The following GBF1 variants were observed in gnomAD, a reference collection of about 807,000 sequenced individuals.
GBF1 encodes Golgi-specific brefeldin A-resistance guanine nucleotide exchange factor 1.
GBF1 carries 114 observed loss-of-function variants against 210.5 expected under a neutral mutation model. The observed-to-expected ratio is 0.54, with a 90% CI of 0.47 to 0.63. GBF1 has a LOEUF of 0.63. Ranked by LOEUF, GBF1 falls within the 30% of genes least tolerant of loss-of-function variation. GBF1 has a pLI of 0.00. For missense variants in GBF1, 1,851 were observed against 2,357.7 expected (o/e 0.79, Z 4.45); for synonymous variants, 850 against 889.2 (o/e 0.96, Z 0.78).
rs768227727 is a variant in GBF1 at position 102,380,272 on chromosome 10, A to G, written c.4902A>G (p.Pro1634=). 2 of 1,613,506 alleles carry G rather than the reference A, an allele frequency of 1.2e-6. No individual in the cohort carries two copies. Among genetic ancestry groups the G allele is most frequent in the Non-Finnish European group, 1.7e-6 (2 of 1,179,600 alleles). The change falls in exon 37 of 40, where the codon CCA becomes CCG. Residue 1634 remains proline (P), a synonymous_variant. Transcript: ENST00000369983. ...LSKVFLQHLS[P]LLSLSTFAAL... is the part of the protein sequence containing the mutation. ...AGGTCTTCCTGCAGCACCTGTCTCC[A>G]CTGCTGTCACTCTCTACCTTTGCGG... is the stretch of plus-strand genomic sequence containing the variant.
At chr10:102,288,743 A>G (rs1263903191) in intron 3 of GBF1, among the ~76,000 whole-genome samples, 3 of 151,314 alleles carry the variant, frequency 2.0e-5, no homozygotes, top group African/African-American at 7.3e-5. Context: ...AAACAAAAAA[A>G]AAAAACGAAA....
intron 4 of GBF1, among the ~76,000 whole-genome samples, chr10:102,347,396 G>C (rs892147598): frequency 1.7e-4 from 26 of 152,150 alleles, no homozygotes; most frequent in African/African-American, 6.3e-4. Flanking sequence ...TTCCAGCCTT[G>C]CCCTGAGCAC....
rs765681866 is a variant in GBF1, at chr10:102,376,799, C to T, written c.4287C>T (p.Gly1429=). The change falls in exon 32 of 40, where the codon GGC becomes GGT. Residue 1429 remains glycine (G), a splice_region_variant and synonymous_variant. Coordinates refer to ENST00000369983, the MANE Select transcript of GBF1 (RefSeq NM_001377137.1). ...TCTTTGTGGAGGCCAGTCTGAATGGCGGTGGGTCAGCTGATGAGGGGGCAG... is the reference window on the plus strand; with the variant it reads ...TCTTTGTGGAGGCCAGTCTGAATGGTGGTGGGTCAGCTGATGAGGGGGCAG... ...LRIFVEASLN[G]GCKSQEKRGK... is the part of the protein sequence containing the mutation. 4 of 1,608,512 alleles carry T rather than the reference C, an allele frequency of 2.5e-6. No homozygotes were observed. The Admixed American group carries it at 5.0e-5, about 20-fold the overall frequency.
chr10:102,254,197 G>C (rs1195006899), intron 1 of GBF1, among the ~76,000 whole-genome samples: 1 of 151,640 alleles, frequency 6.6e-6, no homozygotes, highest in Non-Finnish European at 1.5e-5. Context: ...TTTGCTTTTT[G>C]TTTCTTGTTT....
At chr10:102,376,525 A>T in intron 31 of GBF1, 35 bp from the exon 32 acceptor site, 1 of 1,612,828 alleles carries the variant, frequency 6.2e-7, no homozygotes, top group East Asian at 2.2e-5. Flanking sequence ...ACAGGGGCCA[A>T]GCCTGTGTCC....
chr10:102,278,490 C>T (rs2075197227), intron 3 of GBF1, among the ~76,000 whole-genome samples: 1 of 152,024 alleles, frequency 6.6e-6, no homozygotes, highest in African/African-American at 2.4e-5. Flanking sequence ...TGTCTGTGTT[C>T]TTTCTTTTTA....
chr10:102,337,614 G>A (rs1276478474), intron 3 of GBF1, among the ~76,000 whole-genome samples: 1 of 152,130 alleles, frequency 6.6e-6, no homozygotes, highest in Non-Finnish European at 1.5e-5. Context: ...CACTTTGGGA[G>A]GCTGAGACAG....
intron 3 of GBF1, among the ~76,000 whole-genome samples, chr10:102,316,231 C>T (rs774353140): frequency 7.2e-5 from 11 of 151,894 alleles, no homozygotes; most frequent in Non-Finnish European, 1.6e-4. Context: ...GGATTACAAG[C>T]GTGTGCCACC....
intron 3 of GBF1, among the ~76,000 whole-genome samples, chr10:102,342,402 C>T (rs532384017): frequency 6.6e-6 from 1 of 151,792 alleles, no homozygotes; most frequent in South Asian, 2.1e-4. Flanking sequence ...CACACACACA[C>T]ACACACTCAC....
At chr10:102,333,909 A>G (rs2057526948) in intron 3 of GBF1, among the ~76,000 whole-genome samples, 1 of 152,216 alleles carries the variant, frequency 6.6e-6, no homozygotes, top group Non-Finnish European at 1.5e-5. Flanking sequence ...TTCTCCTAAA[A>G]TGGAATGTAC....
chr10:102,361,941 A>G, intron 14 of GBF1, 29 bp downstream of exon 14: 1 of 1,417,396 alleles, frequency 7.1e-7, no homozygotes, highest in South Asian at 1.4e-5. Context: ...GGCTTCTAGG[A>G]AAAAACGCAT....
chr10:102,267,907 A>C (rs1354064163), intron 3 of GBF1, among the ~76,000 whole-genome samples: 1 of 152,234 alleles, frequency 6.6e-6, no homozygotes, highest in Non-Finnish European at 1.5e-5. Context: ...AATTTGAGTC[A>C]GACTGACTTT....
At chr10:102,333,990 G>C (rs1005923655) in intron 3 of GBF1, among the ~76,000 whole-genome samples, 4 of 152,054 alleles carry the variant, frequency 2.6e-5, no homozygotes, top group Non-Finnish European at 5.9e-5. Context: ...ATGTTAGAGG[G>C]GTAAATGAAC....
intron 33 of GBF1, among the ~76,000 whole-genome samples, chr10:102,378,921 G>A (rs977102512): frequency 6.6e-6 from 1 of 152,162 alleles, no homozygotes; most frequent in Non-Finnish European, 1.5e-5. Flanking sequence ...GTGACAGAGT[G>A]AGACCCTGCC....
Position 102,259,196 on chromosome 10 carries a change from A to G in GBF1, c.96+162A>G, listed in dbSNP as rs1296486334. 5.6e-4 allele frequency among the ~76,000 whole-genome samples: 85 copies of G among 152,190 alleles called. 1 individual carries two copies. The highest frequency in any genetic ancestry group is 5.9e-5 in the Non-Finnish European group (4 of 68,042). ...TTGTATCCCAACTAGCATCAGATATATAGGCTATCTTTTTTTCTCTGGGAC... is the reference window on the plus strand; with the variant it reads ...TTGTATCCCAACTAGCATCAGATATGTAGGCTATCTTTTTTTCTCTGGGAC... On this transcript the variant is annotated intron_variant, in intron 2 of 39. Coordinates refer to ENST00000369983, the MANE Select transcript of GBF1 (RefSeq NM_001377137.1).
At chr10:102,372,344 C>T (rs1042280405) in intron 29 of GBF1, among the ~76,000 whole-genome samples, 4 of 151,754 alleles carry the variant, frequency 2.6e-5, no homozygotes, top group Non-Finnish European at 5.9e-5. Context: ...GGAGAAACCT[C>T]GTCTCTACTA....
chr10:102,328,249 T>C (rs1249718393), intron 3 of GBF1, among the ~76,000 whole-genome samples: 1 of 152,200 alleles, frequency 6.6e-6, no homozygotes, highest in Non-Finnish European at 1.5e-5. Context: ...TCCTAGCACT[T>C]TGGGAGGCCA....
At chr10:102,352,682 GAGA>G (rs1371018639) in intron 7 of GBF1, among the ~76,000 whole-genome samples, 164 bp downstream of exon 7, 2 of 152,158 alleles carry the variant, frequency 1.3e-5, no homozygotes, top group Admixed American at 6.5e-5. Context: ...CTGAGCAAGG[GAGA>G]AGGAGGAGGG....
At chr10:102,345,835 A>G (rs568445503) in intron 4 of GBF1, among the ~76,000 whole-genome samples, 1 of 151,930 alleles carries the variant, frequency 6.6e-6, no homozygotes, top group Non-Finnish European at 1.5e-5. Flanking sequence ...ACCACCATCT[A>G]TTTCCCAAAC....
Sources: allele counts gnomAD v4.1 joint callset (sites outside exome capture counted in the v4.1 genomes callset), GRCh38; gene constraint gnomAD v4.1.1; transcripts MANE v1.5; gene names NCBI Gene and HGNC (gene_info 2026-07-23, HGNC 2026-07-21).